ARHGAP39: variants seen among roughly 807,000 people sequenced by gnomAD.
ARHGAP39 encodes Rho GTPase activating protein 39, also known as rho GTPase-activating protein 39.
A neutral mutation model predicts 106.9 loss-of-function variants in ARHGAP39; 44 were observed. The observed-to-expected ratio is 0.41, with a 90% CI of 0.32 to 0.53. The LOEUF (loss-of-function observed/expected upper bound fraction) is 0.53. Ranked by LOEUF, ARHGAP39 falls within the 20% of genes least tolerant of loss-of-function variation. The pLI is 0.21. For missense variants in ARHGAP39, 1,496 were observed against 1,577.3 expected (o/e 0.95, Z 0.87); for synonymous variants, 768 against 693.2 (o/e 1.11, Z -1.69).
At position 144,530,391 on chromosome 8, in the gene ARHGAP39, A is replaced by C. The variant is rs1371560950; in HGVS notation, c.*31T>G. On this transcript the variant is annotated 3_prime_UTR_variant, in exon 12 of 12. Coordinates refer to ENST00000377307, the MANE Select transcript of ARHGAP39 (RefSeq NM_025251.3). The stretch of plus-strand genomic sequence containing the variant: ...GGAGTTCGGCCTGGCTGGGGGCGGC[A>C]GGACATCCCTCCTGTCCCCGGGCGC... 3 of 1,562,300 alleles carry C rather than the reference A, an allele frequency of 1.9e-6. No individual in the cohort carries two copies. The highest frequency in any genetic ancestry group is 2.6e-6 in the Non-Finnish European group (3 of 1,149,394).
At chr8:144,543,500 C>G (rs751446770) in intron 6 of ARHGAP39, among the ~76,000 whole-genome samples, 15 of 152,206 alleles carry the variant, frequency 9.9e-5, no homozygotes, top group Admixed American at 9.8e-4. Context: ...GGCCACAGTA[C>G]CACAGCCAAG....
chr8:144,619,728 G>A (rs892957722), intron 1 of ARHGAP39, among the ~76,000 whole-genome samples: 27 of 151,438 alleles, frequency 1.8e-4, no homozygotes, highest in South Asian at 4.2e-4. Flanking sequence ...ATATGTGTCC[G>A]TGTGCGTGTG....
At chr8:144,663,108 C>T (rs2129693770) in intron 1 of ARHGAP39, among the ~76,000 whole-genome samples, 1 of 150,222 alleles carries the variant, frequency 6.7e-6, no homozygotes, top group Admixed American at 6.6e-5. Flanking sequence ...CCATTATCCC[C>T]CTTGGCCCAC....
chr8:144,566,422 G>T (rs1454363320), intron 3 of ARHGAP39, among the ~76,000 whole-genome samples: 2 of 152,042 alleles, frequency 1.3e-5, no homozygotes. Context: ...AAATAAGCTG[G>T]GTGTGGTGGT....
rs764556966 is a variant in ARHGAP39 at position 144,547,440 on chromosome 8, G to A, written c.1646C>T (p.Ala549Val). 6 of 1,572,630 alleles carry A rather than the reference G, an allele frequency of 3.8e-6. No homozygotes were observed. The highest frequency in any genetic ancestry group is 3.4e-5 in the South Asian group (3 of 88,064). The change falls in exon 5 of 12, where the codon GCG becomes GTG. Residue 549 changes from alanine (A) to valine (V), a missense_variant. Around this residue, in one of 4 missense-constraint regions of ARHGAP39, gnomAD observed 905 missense variants for 816.4 expected, o/e 1.11. Transcript: ENST00000377307. The surrounding 1 kb of genome is among the most constrained non-coding windows in gnomAD (Gnocchi z 5.2). ...AGCCTGCGCCAGGAAGGGCTCGGCC[G>A]CGCCCCGCGCCCCTTCGGCCTCACC... ...AEGEAEGARGAAEPFLAQARL... is the reference protein window; with the variant it reads ...AEGEAEGARGVAEPFLAQARL...
At chr8:144,552,172 G>A (rs1019338096) in intron 4 of ARHGAP39, among the ~76,000 whole-genome samples, 1 of 152,158 alleles carries the variant, frequency 6.6e-6, no homozygotes, top group African/African-American at 2.4e-5. Flanking sequence ...CTGAAGTCAG[G>A]CAGGCAGGGC....
intron 1 of ARHGAP39, among the ~76,000 whole-genome samples, chr8:144,622,483 G>A (rs1478596666): frequency 1.3e-5 from 2 of 151,980 alleles, no homozygotes; most frequent in Non-Finnish European, 2.9e-5. Flanking sequence ...TGACCCGAGG[G>A]CCAGAGCGGC....
chr8:144,640,349 T>A (rs918940227), intron 1 of ARHGAP39, among the ~76,000 whole-genome samples: 7 of 152,144 alleles, frequency 4.6e-5, no homozygotes, highest in Admixed American at 1.3e-4. Context: ...GATAATTGAA[T>A]CATAGGGGTG....
chr8:144,603,773 C>T (rs1323035860), intron 2 of ARHGAP39, among the ~76,000 whole-genome samples: 2 of 151,858 alleles, frequency 1.3e-5, no homozygotes, highest in Non-Finnish European at 2.9e-5. Flanking sequence ...AGACCTTGTT[C>T]TGTAAGACCA....
chr8:144,560,240 C>T (rs963310705), intron 3 of ARHGAP39, among the ~76,000 whole-genome samples: 2 of 152,208 alleles, frequency 1.3e-5, no homozygotes, highest in African/African-American at 4.8e-5. Context: ...TTGAGACCAG[C>T]CTGGCCAACA....
intron 1 of ARHGAP39, among the ~76,000 whole-genome samples, chr8:144,608,711 A>T (rs913306266): frequency 5.9e-5 from 9 of 152,206 alleles, no homozygotes; most frequent in African/African-American, 1.2e-4. Flanking sequence ...TCTCACCTAC[A>T]TTAAATCTGA....
Position 144,577,280 on chromosome 8 carries a change from G to A in ARHGAP39, c.512+3566C>T, listed in dbSNP as rs553798891. 5.9e-5 allele frequency among the ~76,000 whole-genome samples: 9 copies of A among 152,268 alleles called. No homozygotes were observed. In the South Asian group the frequency reaches 6.2e-4, roughly 11 times the overall value. On this transcript the variant is annotated intron_variant, in intron 3 of 11. Transcript: ENST00000377307. ...ACAACCGGAATACACGCTCAGGGCC[G>A]GTTCAACATGAGACCAACCAGTGTA...
intron 1 of ARHGAP39, among the ~76,000 whole-genome samples, chr8:144,660,462 C>T (rs566533524): frequency 3.5e-4 from 54 of 152,308 alleles, no homozygotes; most frequent in African/African-American, 1.3e-3. Flanking sequence ...TGCATGAGCA[C>T]ATTCCTTGGA....
chr8:144,631,739 G>A, intron 1 of ARHGAP39, among the ~76,000 whole-genome samples: 1 of 152,232 alleles, frequency 6.6e-6, no homozygotes, highest in East Asian at 1.9e-4. Context: ...GGAAAGGCCT[G>A]GCCGCCATCC....
At chr8:144,531,011 G>T in intron 10 of ARHGAP39, 140 bp from the exon 11 acceptor site, 1 of 1,139,364 alleles carries the variant, frequency 8.8e-7, no homozygotes, top group Non-Finnish European at 1.2e-6. Context: ...GGGCCCATCT[G>T]GCCAGGCTGG....
the ARHGAP39 span, among the ~76,000 whole-genome samples, chr8:144,695,393 C>A: frequency 1.7e-3 from 252 of 151,672 alleles, no homozygotes; most frequent in Non-Finnish European, 5.0e-4. Flanking sequence ...ACTTTCTATA[C>A]ACCATTAATT....
At chr8:144,616,640 G>A (rs577992795) in intron 1 of ARHGAP39, among the ~76,000 whole-genome samples, 1 of 152,346 alleles carries the variant, frequency 6.6e-6, no homozygotes, top group Admixed American at 6.5e-5. Flanking sequence ...GCAGCCAGGA[G>A]GTGGGGAGGG....
chr8:144,538,211 T>G (rs1817044202), intron 6 of ARHGAP39, among the ~76,000 whole-genome samples: 1 of 152,206 alleles, frequency 6.6e-6, no homozygotes, highest in African/African-American at 2.4e-5. Context: ...CAGAAACAAG[T>G]GGGCGAAGGC....
upstream of ARHGAP39, among the ~76,000 whole-genome samples, chr8:144,687,670 A>G (rs2976624): frequency 0.053 from 415 of 7,804 alleles, 19 homozygotes; most frequent in Non-Finnish European, 0.074. Flanking sequence ...ACCACACACT[A>G]GCAGTGAGCA....
Sources: gnomAD v4.1 joint callset for allele counts (sites outside exome capture counted in the v4.1 genomes callset) on GRCh38, gnomAD v4.1.1 for gene constraint, gnomAD v4.1.1 regional missense constraint, Gnocchi (gnomAD v3.1) non-coding constraint, MANE v1.5 for transcripts, NCBI Gene and HGNC (gene_info 2026-07-23, HGNC 2026-07-21) for gene names.